The following DAG1 variants were observed in gnomAD, a reference collection of about 807,000 sequenced individuals.
DAG1 encodes dystroglycan 1, also known as dystroglycan 1 (dystrophin-associated glycoprotein 1).
A neutral mutation model predicts 46.1 loss-of-function variants in DAG1; 8 were observed. That is an observed-to-expected ratio of 0.17 (90% confidence interval 0.10 to 0.31). DAG1 has a LOEUF of 0.31. Among genes scored for constraint, DAG1 ranks in the 10% least tolerant of loss-of-function variants. The pLI is 1.00. For synonymous variants in DAG1, 495 were observed against 481.8 expected, an observed-to-expected ratio of 1.03 and a Z score of -0.36; for missense variants, 1,003 against 1,189.9, an observed-to-expected ratio of 0.84 and a Z score of 2.31.
At chr3:49,507,839 CTG>C (rs1200647077) in intron 1 of DAG1, among the ~76,000 whole-genome samples, 4 of 151,834 alleles carry the variant, frequency 2.6e-5, no homozygotes, top group African/African-American at 9.7e-5. Flanking sequence ...CTTTCTGCCT[CTG>C]TAAAATAATT....
chr3:49,474,758 C>G (rs997325251), intron 1 of DAG1, among the ~76,000 whole-genome samples: 3 of 151,966 alleles, frequency 2.0e-5, no homozygotes, highest in Non-Finnish European at 2.9e-5. Context: ...GCTGGGATTA[C>G]AAGCCTGAGC....
intron 2 of DAG1, among the ~76,000 whole-genome samples, chr3:49,519,454 G>A (rs1257252208): frequency 6.6e-6 from 1 of 152,148 alleles, no homozygotes; most frequent in Non-Finnish European, 1.5e-5. Context: ...TTGTTCCCCT[G>A]AGAACAATGG....
intron 1 of DAG1, among the ~76,000 whole-genome samples, chr3:49,507,219 C>A (rs538054516): frequency 6.6e-6 from 1 of 152,044 alleles, no homozygotes; most frequent in Non-Finnish European, 1.5e-5. Flanking sequence ...GTAGAACTTA[C>A]CGCTGATGTC....
Position 49,510,812 on chromosome 3 carries a change from T to C in DAG1, c.278T>C (p.Ile93Thr), listed in dbSNP as rs149218670. The C allele has an allele frequency of 1.7e-4, 271 of 1,614,168 alleles. 1 individual carries two copies. In the African/African-American group the frequency reaches 3.1e-3, roughly 19 times the overall value. The change falls in exon 2 of 3, where the codon ATC becomes ACC. Residue 93 changes from isoleucine to threonine, a missense_variant. Ile to Thr is a moderately conservative substitution (Grantham distance 89, BLOSUM62 -1). This residue lies in a region of DAG1 where 196 missense variants were observed against 239.1 expected (regional missense o/e 0.82). Coordinates refer to ENST00000308775, the MANE Select transcript of DAG1 (RefSeq NM_004393.6). ...PTDLIASSGD[I>T]IKVSAAGKEA... is the part of the protein sequence containing the mutation. ...GATTTGATTGCCTCCAGTGGAGATA[T>C]CATCAAGGTGAGACTGGATATAAAG...
At chr3:49,516,817 C>T (rs2050909990) in intron 2 of DAG1, among the ~76,000 whole-genome samples, 2 of 152,182 alleles carry the variant, frequency 1.3e-5, no homozygotes, top group East Asian at 3.9e-4. Context: ...ATTGGGGGTT[C>T]AGATCTGGGT....
intron 1 of DAG1, chr3:49,488,517 A>C (rs1426849830): frequency 6.6e-6 from 1 of 152,214 alleles, no homozygotes; most frequent in Non-Finnish European, 1.5e-5. Context: ...TAGATGTGCC[A>C]CACACAATAG....
chr3:49,515,475 C>CT, intron 2 of DAG1, among the ~76,000 whole-genome samples: 1 of 151,488 alleles, frequency 6.6e-6, no homozygotes, highest in Non-Finnish European at 1.5e-5. Flanking sequence ...CAGCCTCCAC[C>CT]TCCTAGCTTA....
At chr3:49,511,422 C>T (rs2050759103) in intron 2 of DAG1, among the ~76,000 whole-genome samples, 1 of 152,114 alleles carries the variant, frequency 6.6e-6, no homozygotes, top group Non-Finnish European at 1.5e-5. Context: ...GATGAAGCAC[C>T]ATCTCTCTGT....
chr3:49,523,200 G>A (rs559758483), intron 2 of DAG1, among the ~76,000 whole-genome samples: 29 of 152,162 alleles, frequency 1.9e-4, no homozygotes, highest in Non-Finnish European at 3.7e-4. Context: ...AGGACTCTAA[G>A]GATAGTCAAA....
chr3:49,530,747 G>A, intron 2 of DAG1, 50 bp from the exon 3 acceptor site: 1 of 1,613,550 alleles, frequency 6.2e-7, no homozygotes, highest in Non-Finnish European at 8.5e-7. Context: ...ATCATATTCA[G>A]GTTATGCAGT....
intron 1 of DAG1, among the ~76,000 whole-genome samples, chr3:49,503,509 TTTTC>T (rs2050514036): frequency 6.6e-6 from 1 of 152,210 alleles, no homozygotes. Context: ...TTAGCCATTT[TTTTC>T]TTTCTTTAAG....
Position 49,531,872 on chromosome 3 carries a change from G to T in DAG1, c.1361G>T (p.Arg454Leu). Residue 454 changes from arginine (R) to leucine (L), a missense_variant, in exon 3 of 3, where the codon CGG becomes CTG. Physicochemically the swap from Arg to Leu is moderately radical, Grantham distance 102. Around this residue, in one of 3 missense-constraint regions of DAG1, gnomAD observed 755 missense variants for 854.1 expected, o/e 0.88. Transcript: ENST00000308775. This position sits in a 1 kb window ranked among gnomAD's most constrained non-coding sequence, Gnocchi z 7.0. ...ACTCGCAGGCCAACCAAGAAACCAC[G>T]GACACCCCGGCCAGTGCCCCGGGTC... is the stretch of plus-strand genomic sequence containing the variant. ...TTTRRPTKKP[R>L]TPRPVPRVTT... 1 of 1,613,654 alleles carries T rather than the reference G, an allele frequency of 6.2e-7. No individual in the cohort carries two copies. The highest frequency in any genetic ancestry group is 1.1e-5 in the South Asian group (1 of 91,034).
chr3:49,469,207 G>C (rs2049446660), upstream of DAG1, among the ~76,000 whole-genome samples: 1 of 152,216 alleles, frequency 6.6e-6, no homozygotes, highest in South Asian at 2.1e-4. Flanking sequence ...TCTGTGTTCA[G>C]AATGTGCTTG....
At chr3:49,472,365 T>G (rs994235041) in intron 1 of DAG1, among the ~76,000 whole-genome samples, 1 of 152,044 alleles carries the variant, frequency 6.6e-6, no homozygotes, top group African/African-American at 2.4e-5. Flanking sequence ...TAACCAAGGA[T>G]TTAAATTCCT....
At position 49,488,257 on chromosome 3, in the gene DAG1, A is replaced by G. The variant is rs573104004; in HGVS notation, c.-117+17824A>G. ...AACTGCCCCACCTCCTTCCTCTTCC[A>G]TCTTATGTTATTAATGAAAGAGTTT... On this transcript the variant is annotated intron_variant, in intron 1 of 2. Transcript: ENST00000308775. Among the ~76,000 whole-genome samples, 54 of 152,232 alleles carry G rather than the reference A, an allele frequency of 3.5e-4. 1 individual carries two copies. The highest frequency in any genetic ancestry group is 3.1e-3 in the Admixed American group (48 of 15,272).
At position 49,510,406 on chromosome 3, in the gene DAG1, C is replaced by CTT; in HGVS notation, c.-116-5_-116-4dup. On this transcript the variant is annotated splice_polypyrimidine_tract_variant and intron_variant, in intron 1 of 2. Transcript: ENST00000308775. ...ATTGCTCAAGTCTAAACCTGCTTTT[C>CTT]TTTTTTTTTCAGGCTCTGTGTGCTC... The CTT allele has an allele frequency of 1.2e-5, 11 of 925,358 alleles. No individual in the cohort carries two copies. Among genetic ancestry groups the CTT allele is most frequent in the Non-Finnish European group, 1.9e-5 (11 of 575,564 alleles). The allele number at this position is 925,358 out of a possible 1,614,324, so 57.3% of individuals were successfully genotyped here.
At position 49,503,043 on chromosome 3, in the gene DAG1, A is replaced by G. The variant is rs898608710; in HGVS notation, c.-116-7376A>G. Among the ~76,000 whole-genome samples the G allele has an allele frequency of 3.9e-5, 6 of 152,142 alleles. No homozygotes were observed. In the East Asian group the frequency reaches 1.2e-3, roughly 29 times the overall value. On this transcript the variant is annotated intron_variant, in intron 1 of 2. Transcript: ENST00000308775. ...AGCCTATTGATATATTTTCCAGTAC[A>G]TGGACATTAGGATTGTTTTTAACTT...
intron 2 of DAG1, among the ~76,000 whole-genome samples, chr3:49,521,372 A>C (rs575711045): frequency 1.6e-4 from 24 of 152,106 alleles, no homozygotes; most frequent in African/African-American, 5.3e-4. Context: ...TCACCGTGTT[A>C]GCCAGGATGG....
intron 2 of DAG1, 96 bp from the exon 3 acceptor site, chr3:49,530,701 C>G: frequency 6.4e-7 from 1 of 1,572,630 alleles, no homozygotes; most frequent in Non-Finnish European, 8.7e-7. Context: ...TGAATTATAC[C>G]TTAAACCTGT....
Sources: allele counts gnomAD v4.1 joint callset (sites outside exome capture counted in the v4.1 genomes callset), GRCh38; gene constraint gnomAD v4.1.1; regional missense constraint gnomAD v4.1.1; non-coding constraint Gnocchi (gnomAD v3.1); transcripts MANE v1.5; gene names NCBI Gene and HGNC (gene_info 2026-07-23, HGNC 2026-07-21).